FBXO43: variants seen among roughly 807,000 people sequenced by gnomAD.
The protein encoded by FBXO43 is F-box only protein 43.
In FBXO43, 22 loss-of-function variants were observed where a neutral mutation model predicts 56.7. The observed-to-expected ratio is 0.39, with a 90% CI of 0.28 to 0.55. FBXO43 has a LOEUF of 0.55. Ranked by LOEUF, FBXO43 falls within the 20% of genes least tolerant of loss-of-function variation. The probability of loss-of-function intolerance (pLI) is 0.66; values close to 1 mark genes in which losing one functional copy is unlikely to be tolerated. For synonymous variants in FBXO43, 306 were observed against 294.5 expected (o/e 1.04, Z -0.40); for missense variants, 733 against 814.9 (o/e 0.90, Z 1.22).
rs1054315425 is a variant in FBXO43, at chr8:100,145,376, T to C, written c.-241A>G. ...CATGAGTAAACTTCCCAAATTCGGG[T>C]TCCTGAAAAGGCAGCGTGTGCTGCA... is the stretch of plus-strand genomic sequence containing the variant. On this transcript the variant is annotated 5_prime_UTR_variant, in exon 1 of 5. Coordinates refer to ENST00000428847, the MANE Select transcript of FBXO43 (RefSeq NM_001029860.4). The C allele has an allele frequency of 1.9e-5, 7 of 366,930 alleles. No individual in the cohort carries two copies. Among genetic ancestry groups the C allele is most frequent in the Non-Finnish European group, 2.9e-5 (6 of 204,734 alleles). The allele number at this position is 366,930 out of a possible 1,614,324, so 22.7% of individuals were successfully genotyped here.
Position 100,133,928 on chromosome 8 carries a change from A to G in FBXO43, c.2001T>C (p.Phe667=). The part of the protein sequence containing the change: ...LCSRTACGFD[F]CVLCLCAYHG... ...GATAAGCACACAGACATAACACACA[A>G]AAGTCAAAACCACAGGCTGTTCGGC... The change falls in exon 5 of 5, where the codon TTT becomes TTC. Residue 667 remains phenylalanine, a synonymous_variant. Coordinates refer to ENST00000428847, the MANE Select transcript of FBXO43 (RefSeq NM_001029860.4). 1 of 1,614,112 alleles carries G rather than the reference A, an allele frequency of 6.2e-7. No homozygotes were observed. Among genetic ancestry groups the G allele is most frequent in the Non-Finnish European group, 8.5e-7 (1 of 1,180,014 alleles).
Position 100,145,062 on chromosome 8 carries a change from C to G in FBXO43, c.74G>C (p.Arg25Thr). 1 of 1,611,504 alleles carries G rather than the reference C, an allele frequency of 6.2e-7. No individual in the cohort carries two copies. Among genetic ancestry groups the G allele is most frequent in the Non-Finnish European group, 8.5e-7 (1 of 1,178,336 alleles). Residue 25 changes from arginine (R) to threonine (T), a missense_variant, in exon 1 of 5, where the codon AGA (arginine) becomes ACA (threonine). Coordinates refer to ENST00000428847, the MANE Select transcript of FBXO43 (RefSeq NM_001029860.4). ...AYVTLTSKSS[R>T]FTDETEILKM... Reference sequence around the variant, plus strand: ...GTGGAAACTCTTACCATCAGTAAATCTTGAGCTCTTAGATGTCAAAGTTAC... The same window carrying G: ...GTGGAAACTCTTACCATCAGTAAATGTTGAGCTCTTAGATGTCAAAGTTAC...
In FBXO43 at chr8:100,145,405, T is replaced by C. The variant is rs893796732; in HGVS notation, c.-270A>G. On this transcript the variant is annotated 5_prime_UTR_variant, in exon 1 of 5. Coordinates refer to ENST00000428847, the MANE Select transcript of FBXO43 (RefSeq NM_001029860.4). ...TGAAAAGGCAGCGTGTGCTGCAGCC[T>C]GGCACTGACTCCCCCGAGGAGCTAT... 8 of 310,876 alleles carry C rather than the reference T, an allele frequency of 2.6e-5. No homozygotes were observed. The highest frequency in any genetic ancestry group is 1.5e-4 in the African/African-American group (7 of 46,372). 19.3% of individuals were successfully genotyped at this position (310,876 alleles called of 1,614,324 possible). A position where few individuals can be genotyped will look rare whatever the true frequency, so the allele number is the denominator to read the frequency against.
chr8:100,142,131 A>C lies in FBXO43; in HGVS notation c.123T>G (p.Gly41=). 1 of 1,589,508 alleles carries C rather than the reference A, an allele frequency of 6.3e-7. No homozygotes were observed. Among genetic ancestry groups the C allele is most frequent in the Non-Finnish European group, 8.5e-7 (1 of 1,171,022 alleles). Residue 41 remains glycine, a synonymous_variant, in exon 2 of 5, where the codon GGT becomes GGG. Coordinates refer to ENST00000428847, the MANE Select transcript of FBXO43 (RefSeq NM_001029860.4). ...EILKMSQRHS[G]QAGTEAGNGA... ...CATTTCCTGCTTCAGTGCCAGCTTGACCTGAGTGCCTTTGCGACATCTTCA... is the reference window on the plus strand; with the variant it reads ...CATTTCCTGCTTCAGTGCCAGCTTGCCCTGAGTGCCTTTGCGACATCTTCA...
chr8:100,145,237 C>G lies in FBXO43; in HGVS notation c.-102G>C. 1 of 841,330 alleles carries G rather than the reference C, an allele frequency of 1.2e-6. No individual in the cohort carries two copies. The highest frequency in any genetic ancestry group is 1.8e-6 in the Non-Finnish European group (1 of 553,850). The allele number at this position is 841,330 out of a possible 1,614,324, so 52.1% of individuals were successfully genotyped here. A position where few individuals can be genotyped will look rare whatever the true frequency, so the allele number is the denominator to read the frequency against. On this transcript the variant is annotated 5_prime_UTR_variant, in exon 1 of 5. The change abolishes an upstream ATG in the 5' untranslated region. Coordinates refer to ENST00000428847, the MANE Select transcript of FBXO43 (RefSeq NM_001029860.4). ...TCAAAGTCGAAGGGTACACAGGGTGCATGCCGCAGGGATTATTCCTAACAC... is the reference window on the plus strand; with the variant it reads ...TCAAAGTCGAAGGGTACACAGGGTGGATGCCGCAGGGATTATTCCTAACAC...
Position 100,137,716 on chromosome 8 carries a change from A to G in FBXO43, c.1572-49T>C, listed in dbSNP as rs532047737. 8.1e-5 allele frequency: 112 copies of G among 1,381,472 alleles called. No homozygotes were observed. In the East Asian group the frequency reaches 1.4e-3, roughly 17 times the overall value. 85.6% of individuals were successfully genotyped at this position (1,381,472 alleles called of 1,614,324 possible). ...ATATTGCATACATTCTATAGGATTA[A>G]CATTTTGTTGTATACGCTAACTAAT... On this transcript the variant is annotated intron_variant, in intron 2 of 4. Coordinates refer to ENST00000428847, the MANE Select transcript of FBXO43 (RefSeq NM_001029860.4).
intron 3 of FBXO43, among the ~76,000 whole-genome samples, chr8:100,135,172 T>C (rs1428976475): frequency 3.3e-5 from 5 of 152,224 alleles, no homozygotes; most frequent in Non-Finnish European, 7.3e-5. Flanking sequence ...ATCTTTATAA[T>C]GTCAGCACCT....
At chr8:100,150,023 T>A (rs1185632473), upstream of FBXO43, among the ~76,000 whole-genome samples, 1 of 151,954 alleles carries the variant, frequency 6.6e-6, no homozygotes, top group East Asian at 1.9e-4. Context: ...GGCGGGTGAG[T>A]AGACAGCGAA....
chr8:100,145,432 G>C lies in FBXO43; in HGVS notation c.-297C>G. The C allele has an allele frequency of 3.9e-6, 1 of 257,778 alleles. No homozygotes were observed. Among genetic ancestry groups the C allele is most frequent in the East Asian group, 7.8e-5 (1 of 12,748 alleles). 16.0% of individuals were successfully genotyped at this position (257,778 alleles called of 1,614,324 possible). ...GCACTGACTCCCCCGAGGAGCTATG[G>C]CGGGCGGGTGGGTAACGGTCTCACC... On this transcript the variant is annotated 5_prime_UTR_variant, in exon 1 of 5. Transcript: ENST00000428847.
At chr8:100,139,935 C>T (rs1377354067) in intron 2 of FBXO43, among the ~76,000 whole-genome samples, 2 of 152,200 alleles carry the variant, frequency 1.3e-5, no homozygotes, top group Admixed American at 6.5e-5. Context: ...TATTTGTACA[C>T]TGTCATTTCT....
At chr8:100,137,502 T>C (rs1342053425) in intron 3 of FBXO43, 63 bp downstream of exon 3, 1 of 1,103,906 alleles carries the variant, frequency 9.1e-7, no homozygotes, top group Non-Finnish European at 1.3e-6. Context: ...TTAGGTTGTC[T>C]AGCAACATGA....
intron 1 of FBXO43, 23 bp from the exon 2 acceptor site, chr8:100,142,191 T>G: frequency 6.6e-7 from 1 of 1,518,784 alleles, no homozygotes; most frequent in Non-Finnish European, 8.8e-7. Context: ...AACAAAGTTA[T>G]TCTGCCTTTG....
rs1368535425 is a variant in FBXO43, at chr8:100,141,263, G to A, written c.991C>T (p.Pro331Ser). The change falls in exon 2 of 5, where the codon CCT becomes TCT. Residue 331 changes from proline to serine, a missense_variant. Transcript: ENST00000428847. ...SPEVRGSIST[P>S]EDSGFNSLSL... ...AGTGAGTTAAAACCACTGTCTTCAG[G>A]CGTTGAAATACTGCCTCTCACTTCA... 3 of 1,614,004 alleles carry A rather than the reference G, an allele frequency of 1.9e-6. No homozygotes were observed. Among genetic ancestry groups the A allele is most frequent in the Non-Finnish European group, 1.7e-6 (2 of 1,180,026 alleles).
intron 1 of FBXO43, among the ~76,000 whole-genome samples, chr8:100,144,304 G>T (rs1814750397): frequency 6.6e-6 from 1 of 151,690 alleles, no homozygotes; most frequent in South Asian, 2.1e-4. Flanking sequence ...TTGAGTCCAG[G>T]AGTTTAAGAC....
In FBXO43 at chr8:100,140,824, A is replaced by G. The variant is rs762541069; in HGVS notation, c.1430T>C (p.Val477Ala). The G allele has an allele frequency of 6.2e-7, 1 of 1,614,222 alleles. No individual in the cohort carries two copies. The highest frequency in any genetic ancestry group is 1.7e-5 in the Admixed American group (1 of 60,032). The change falls in exon 2 of 5, where the codon GTA (valine) becomes GCA (alanine). Residue 477 changes from valine (V) to alanine (A), a missense_variant. Transcript: ENST00000428847. Reference protein sequence around the residue: ...LEQGDGEKIAVLQCILAGLIG... With the variant: ...LEQGDGEKIAALQCILAGLIG... ...CAGTCCTGCAAGTATACACTGCAGT[A>G]CAGCTATTTTCTCCCCATCCCCTTG...
chr8:100,147,036 C>T (rs141348242), upstream of FBXO43, among the ~76,000 whole-genome samples: 208 of 152,260 alleles, frequency 1.4e-3, 2 homozygotes, highest in African/African-American at 4.4e-3. Flanking sequence ...TCAGTAGAGA[C>T]GGAGTTTTGC....
chr8:100,149,417 C>T (rs1814881784), upstream of FBXO43, among the ~76,000 whole-genome samples: 1 of 152,274 alleles, frequency 6.6e-6, no homozygotes, highest in African/African-American at 2.4e-5. Flanking sequence ...ACAATGGTTC[C>T]ATCTAATAGT....
At position 100,137,744 on chromosome 8, in the gene FBXO43, G is replaced by A. The variant is rs1438062894; in HGVS notation, c.1572-77C>T. On this transcript the variant is annotated intron_variant, in intron 2 of 4. Transcript: ENST00000428847. ...TTTTGTTGTATACGCTAACTAATGA[G>A]AAAAATTTGTTTTAAAGATTTCGGG... is the stretch of plus-strand genomic sequence containing the variant. 3 of 1,044,636 alleles carry A rather than the reference G, an allele frequency of 2.9e-6. No homozygotes were observed. In the South Asian group the frequency reaches 4.7e-5, roughly 16 times the overall value. The allele number at this position is 1,044,636 out of a possible 1,614,324, so 64.7% of individuals were successfully genotyped here. A position where few individuals can be genotyped will look rare whatever the true frequency, so the allele number is the denominator to read the frequency against.
At chr8:100,149,309 T>C (rs930788898), upstream of FBXO43, among the ~76,000 whole-genome samples, 4 of 152,364 alleles carry the variant, frequency 2.6e-5, no homozygotes, top group African/African-American at 9.6e-5. Context: ...TGCACGAGAA[T>C]TATCTTGATA....
Sources: allele counts gnomAD v4.1 joint callset (sites outside exome capture counted in the v4.1 genomes callset), GRCh38; gene constraint gnomAD v4.1.1; transcripts MANE v1.5; gene names NCBI Gene and HGNC (gene_info 2026-07-23, HGNC 2026-07-21).